RRP12: variants seen among roughly 807,000 people sequenced by gnomAD.
RRP12 encodes the protein RRP12-like protein.
A neutral mutation model predicts 157.3 loss-of-function variants in RRP12; 78 were observed. That is an observed-to-expected ratio of 0.50 (90% CI 0.41 to 0.60). RRP12 has a LOEUF of 0.60. RRP12 is among the 20% of genes least tolerant of loss of function. The probability of loss-of-function intolerance (pLI) is 0.00; values close to 1 mark genes in which losing one functional copy is unlikely to be tolerated. For missense variants in RRP12, 1,521 were observed against 1,679.9 expected, an observed-to-expected ratio of 0.91 and a Z score of 1.65; for synonymous variants, 726 against 670.9, an observed-to-expected ratio of 1.08 and a Z score of -1.27.
At chr10:97,395,413 G>A (rs1426516965) in intron 3 of RRP12, among the ~76,000 whole-genome samples, 1 of 151,520 alleles carries the variant, frequency 6.6e-6, no homozygotes, top group East Asian at 2.0e-4. Flanking sequence ...TCAGCCAGGT[G>A]TGGTGGCGCA....
intron 4 of RRP12, among the ~76,000 whole-genome samples, chr10:97,392,154 T>G (rs1333239235): frequency 7.2e-5 from 11 of 152,012 alleles, no homozygotes. Flanking sequence ...TATTTTTTTG[T>G]AGAGACAAGG....
chr10:97,381,242 A>G (rs1844458457), intron 12 of RRP12, 144 bp downstream of exon 12: 1 of 656,602 alleles, frequency 1.5e-6, no homozygotes, highest in Non-Finnish European at 2.6e-6. Context: ...GCTCCGGCAG[A>G]TGTTCAGTAA....
At chr10:97,376,323 T>G (rs996725681) in intron 15 of RRP12, among the ~76,000 whole-genome samples, 3 of 150,434 alleles carry the variant, frequency 2.0e-5, no homozygotes, top group Non-Finnish European at 4.4e-5. Context: ...CAAACGATTG[T>G]CCTGCCTCAG....
At chr10:97,393,649 A>G (rs1464741736) in intron 4 of RRP12, 35 bp downstream of exon 4, 1 of 1,561,006 alleles carries the variant, frequency 6.4e-7, no homozygotes, top group Non-Finnish European at 8.8e-7. Flanking sequence ...CCCTCCACAA[A>G]AAGCCTTGGG....
In RRP12 at chr10:97,357,070, A is replaced by C. The variant is rs1843728063; in HGVS notation, c.*24T>G. 1 of 1,462,202 alleles carries C rather than the reference A, an allele frequency of 6.8e-7. No homozygotes were observed. The highest frequency in any genetic ancestry group is 2.3e-5 in the East Asian group (1 of 43,870). 90.6% of individuals were successfully genotyped at this position (1,462,202 alleles called of 1,614,324 possible). ...CTGAAAGGGCCTCAGACTGGACCAC[A>C]GGGCAGCCCAGGGGCCCTGGGCCTC... On this transcript the variant is annotated 3_prime_UTR_variant, in exon 34 of 34. Transcript: ENST00000370992.
At chr10:97,366,381 C>T in intron 28 of RRP12, 65 bp downstream of exon 28, 4 of 1,557,844 alleles carry the variant, frequency 2.6e-6, no homozygotes, top group Non-Finnish European at 3.5e-6. Flanking sequence ...CCCCTACCCA[C>T]CACCTGAGAA....
chr10:97,400,219 T>A (rs985505803), intron 2 of RRP12, 86 bp downstream of exon 2: 1 of 966,426 alleles, frequency 1.0e-6, no homozygotes, highest in Admixed American at 1.9e-5. Context: ...GCTGTTGTCA[T>A]CGGAGACCTG....
At chr10:97,388,086 G>A in intron 8 of RRP12, 166 bp downstream of exon 8, 1 of 791,756 alleles carries the variant, frequency 1.3e-6, no homozygotes, top group Non-Finnish European at 2.0e-6. Flanking sequence ...ACTCTGATAT[G>A]GCCTGGCCTA....
At chr10:97,399,103 G>A (rs1564773211) in intron 2 of RRP12, among the ~76,000 whole-genome samples, 1 of 152,028 alleles carries the variant, frequency 6.6e-6, no homozygotes, top group Non-Finnish European at 1.5e-5. Context: ...GAGAAACCCT[G>A]TCTCTATTAA....
At chr10:97,371,905 A>T in intron 20 of RRP12, 168 bp downstream of exon 20, 2 of 571,308 alleles carry the variant, frequency 3.5e-6, no homozygotes, top group Non-Finnish European at 3.1e-6. Flanking sequence ...GACCTGCAAG[A>T]CAGATGGGCT....
intron 15 of RRP12, among the ~76,000 whole-genome samples, chr10:97,375,955 T>A (rs978082250): frequency 3.3e-5 from 5 of 151,786 alleles, no homozygotes; most frequent in African/African-American, 9.7e-5. Flanking sequence ...AATAAAAAAA[T>A]TAGCGAGGGG....
chr10:97,371,191 T>C, intron 20 of RRP12, 110 bp from the exon 21 acceptor site: 1 of 1,166,584 alleles, frequency 8.6e-7, no homozygotes, highest in Non-Finnish European at 1.2e-6. Flanking sequence ...CCGTGGGGGC[T>C]CATGTGGCTT....
intron 28 of RRP12, 61 bp from the exon 29 acceptor site, chr10:97,366,294 C>T: frequency 5.0e-6 from 8 of 1,592,766 alleles, no homozygotes; most frequent in Non-Finnish European, 6.8e-6. Flanking sequence ...TCACCCTCAT[C>T]ATGACCAACA....
At chr10:97,366,676 G>T in intron 27 of RRP12, 55 bp from the exon 28 acceptor site, 1 of 1,598,834 alleles carries the variant, frequency 6.3e-7, no homozygotes, top group Admixed American at 1.7e-5. Context: ...GGGGTCAGCG[G>T]GTATTGCCTG....
At chr10:97,388,755 C>T in intron 6 of RRP12, 131 bp from the exon 7 acceptor site, 2 of 1,112,814 alleles carry the variant, frequency 1.8e-6, no homozygotes, top group Non-Finnish European at 2.5e-6. Context: ...TACTATAGAT[C>T]CAGTGCTACA....
chr10:97,389,225 C>T (rs1844727997), intron 6 of RRP12, among the ~76,000 whole-genome samples: 1 of 152,136 alleles, frequency 6.6e-6, no homozygotes, highest in South Asian at 2.1e-4. Flanking sequence ...TCCCGAGCAG[C>T]TGGGACTACA....
chr10:97,393,335 C>G (rs539614730), intron 4 of RRP12: 4 of 459,448 alleles, frequency 8.7e-6, no homozygotes, highest in South Asian at 6.5e-5. Context: ...TATAGACATG[C>G]CTTTTGTTTT....
intron 10 of RRP12, 62 bp downstream of exon 10, chr10:97,385,104 C>A: frequency 1.6e-6 from 1 of 618,286 alleles, no homozygotes; most frequent in Non-Finnish European, 2.2e-6. Flanking sequence ...GGACACAGGC[C>A]CTGAGCACCC....
At position 97,372,770 on chromosome 10, in the gene RRP12, T is replaced by C; in HGVS notation, c.2215A>G (p.Lys739Glu). The part of the protein sequence containing the change: ...VNSLLEKASE[K>E]VLDPASSDFT... ...TCAGAGCTGGCAGGGTCGAGCACCT[T>C]CTCACTGGCTTTTTCCAGGAGACTG... Residue 739 changes from lysine (K) to glutamate (E), a missense_variant, in exon 19 of 34, where the codon AAG becomes GAG. Physicochemically the swap from Lys to Glu is moderately conservative, Grantham distance 56. Coordinates refer to ENST00000370992, the MANE Select transcript of RRP12 (RefSeq NM_015179.4). The C allele has an allele frequency of 6.4e-7, 1 of 1,563,714 alleles. No homozygotes were observed. The highest frequency in any genetic ancestry group is 8.7e-7 in the Non-Finnish European group (1 of 1,153,378).
Sources: gnomAD v4.1 joint callset for allele counts (sites outside exome capture counted in the v4.1 genomes callset) on GRCh38, gnomAD v4.1.1 for gene constraint, MANE v1.5 for transcripts, NCBI Gene and HGNC (gene_info 2026-07-23, HGNC 2026-07-21) for gene names.